MTUS1: variants seen among roughly 807,000 people sequenced by gnomAD.
The protein encoded by MTUS1 is microtubule associated scaffold protein 1, also known as microtubule-associated tumor suppressor 1.
In MTUS1, 109 loss-of-function variants were observed where a neutral mutation model predicts 120.8. The observed-to-expected ratio is 0.90, with a 90% CI of 0.77 to 1.06. MTUS1 has a LOEUF of 1.06. MTUS1 is among the 50% of genes least tolerant of loss of function. The pLI, the probability that MTUS1 is intolerant of heterozygous loss-of-function variation, is 0.00. For synonymous variants in MTUS1, 737 were observed against 550.5 expected (o/e 1.34, Z -4.74); for missense variants, 2,210 against 1,486.3 (o/e 1.49, Z -8.01).
At chr8:17,795,145 A>T (rs1183468462) in intron 1 of MTUS1, among the ~76,000 whole-genome samples, 2 of 152,224 alleles carry the variant, frequency 1.3e-5, no homozygotes, top group Non-Finnish European at 2.9e-5. Flanking sequence ...ATGTACAAAA[A>T]GCATAAAAGA....
chr8:17,777,863 CAAG>C (rs143257775), intron 1 of MTUS1, among the ~76,000 whole-genome samples: 4,804 of 152,146 alleles, frequency 0.032, 260 homozygotes, highest in African/African-American at 0.11. Context: ...AAAATGTTGA[CAAG>C]AAGGAATTAG....
At chr8:17,681,246 C>T (rs1814420568) in intron 7 of MTUS1, among the ~76,000 whole-genome samples, 1 of 152,030 alleles carries the variant, frequency 6.6e-6, no homozygotes, top group African/African-American at 2.4e-5. Context: ...CATTTTTCTT[C>T]CTTCAGTTGT....
Position 17,753,784 on chromosome 8 carries a change from G to C in MTUS1, c.2024C>G (p.Ser675Cys). The C allele has an allele frequency of 1.2e-6, 2 of 1,613,282 alleles. No individual in the cohort carries two copies. ...EKKGEKENGT[S>C]MEKQELKQEI... ...TTGTTTCAGCTCTTGTTTTTCCATA[G>C]ATGTCCCATTTTCTTTTTCACCCTT... Residue 675 changes from serine to cysteine, a missense_variant, in exon 2 of 15, where the codon TCT becomes TGT. By Grantham distance (112) the Ser-to-Cys change is moderately radical (BLOSUM62 -1). Transcript: ENST00000693296.
chr8:17,682,811 G>C (rs1477705768), intron 7 of MTUS1, among the ~76,000 whole-genome samples: 1 of 152,042 alleles, frequency 6.6e-6, no homozygotes, highest in Non-Finnish European at 1.5e-5. Context: ...AGCTTACTTG[G>C]TTATATAAAC....
At chr8:17,725,440 G>T (rs774550888) in intron 3 of MTUS1, among the ~76,000 whole-genome samples, 2 of 152,156 alleles carry the variant, frequency 1.3e-5, no homozygotes, top group African/African-American at 4.8e-5. Context: ...GCTCTGCTCC[G>T]ATTAACCTCG....
chr8:17,750,847 TGAG>T (rs2048135951), intron 2 of MTUS1, among the ~76,000 whole-genome samples: 1 of 152,200 alleles, frequency 6.6e-6, no homozygotes. Flanking sequence ...ACCTCTGTTG[TGAG>T]GAGCTACATC....
intron 6 of MTUS1, chr8:17,697,719 G>C: frequency 2.0e-6 from 2 of 1,000,058 alleles, no homozygotes; most frequent in Non-Finnish European, 2.4e-6. Context: ...GTAAAGGGGA[G>C]GAGAAAGTGG....
At position 17,776,922 on chromosome 8, in the gene MTUS1, C is replaced by A. The variant is rs190594733; in HGVS notation, c.-154-20961G>T. Among the ~76,000 whole-genome samples the A allele has an allele frequency of 3.4e-3, 521 of 152,134 alleles. 3 individuals are homozygous for A. The highest frequency in any genetic ancestry group is 0.012 in the African/African-American group (494 of 41,486). On this transcript the variant is annotated intron_variant, in intron 1 of 14. Coordinates refer to ENST00000693296, the MANE Select transcript of MTUS1 (RefSeq NM_001363059.2). The stretch of plus-strand genomic sequence containing the variant: ...TAAGACCTAATTGTAATTGCGCTTT[C>A]GGAGAGCAATTTCAACAGCTGTAAG...
At chr8:17,674,538 C>G in intron 8 of MTUS1, 7 of 985,752 alleles carry the variant, frequency 7.1e-6, no homozygotes, top group Non-Finnish European at 8.4e-6. Context: ...AACAGCGTAG[C>G]CTGGAAACTG....
intron 1 of MTUS1, among the ~76,000 whole-genome samples, chr8:17,760,524 G>C (rs1317253697): frequency 6.6e-6 from 1 of 152,062 alleles, no homozygotes; most frequent in Non-Finnish European, 1.5e-5. Context: ...ACAGAAAAGG[G>C]GTGACCGGCC....
At chr8:17,657,548 A>G (rs775310003) in intron 8 of MTUS1, among the ~76,000 whole-genome samples, 18 of 150,956 alleles carry the variant, frequency 1.2e-4, no homozygotes, top group Non-Finnish European at 1.9e-4. Flanking sequence ...AGCCTGGGCG[A>G]CAGAGAGAGA....
In MTUS1 at chr8:17,729,369, C is replaced by G. The variant is rs189714860; in HGVS notation, c.2288-5536G>C. On this transcript the variant is annotated intron_variant, in intron 3 of 14. Transcript: ENST00000693296. The stretch of plus-strand genomic sequence containing the variant: ...ATATACATGTTTAAGAACTTAGCTT[C>G]AATGGTAGAGTATCACTGTATAAAT... Among the ~76,000 whole-genome samples, 377 of 152,250 alleles carry G rather than the reference C, an allele frequency of 2.5e-3. 1 individual carries two copies. The highest frequency in any genetic ancestry group is 8.6e-3 in the African/African-American group (358 of 41,546).
chr8:17,668,828 G>A (rs374435441), intron 8 of MTUS1, among the ~76,000 whole-genome samples: 14 of 151,894 alleles, frequency 9.2e-5, no homozygotes, highest in African/African-American at 2.2e-4. Flanking sequence ...CCCTCCTCCC[G>A]CCCTCCACCC....
At chr8:17,729,944 C>T (rs2046449087) in intron 3 of MTUS1, among the ~76,000 whole-genome samples, 1 of 147,860 alleles carries the variant, frequency 6.8e-6, no homozygotes, top group Non-Finnish European at 1.5e-5. Context: ...AAATCACAAT[C>T]GCGCGAGATA....
chr8:17,675,169 C>T lies in MTUS1; in HGVS notation c.2905+17G>A, dbSNP rs1812827229. 1.2e-6 allele frequency: 2 copies of T among 1,613,758 alleles called. No individual in the cohort carries two copies. Among genetic ancestry groups the T allele is most frequent in the Admixed American group, 1.7e-5 (1 of 59,972 alleles). On this transcript the variant is annotated intron_variant, in intron 8 of 14. Transcript: ENST00000693296. The stretch of plus-strand genomic sequence containing the variant: ...CTTGTCCCATAAAATTTAACAACAA[C>T]AACAAAAAGCTCTTACCTAGCTCTC...
At chr8:17,779,714 C>A (rs2050722121) in intron 1 of MTUS1, among the ~76,000 whole-genome samples, 1 of 152,220 alleles carries the variant, frequency 6.6e-6, no homozygotes, top group Non-Finnish European at 1.5e-5. Context: ...TGGTTTTCCT[C>A]CTAAACTCAC....
intron 8 of MTUS1, among the ~76,000 whole-genome samples, chr8:17,659,641 T>C (rs1809237687): frequency 6.6e-6 from 1 of 152,096 alleles, no homozygotes; most frequent in Admixed American, 6.5e-5. Flanking sequence ...GAGGTTACAG[T>C]GAGCCAAGAT....
chr8:17,674,546 C>A (rs1051393365), intron 8 of MTUS1: 18 of 985,766 alleles, frequency 1.8e-5, no homozygotes, highest in Non-Finnish European at 2.0e-5. Context: ...AGCCTGGAAA[C>A]TGGAGGGCTG....
intron 8 of MTUS1, among the ~76,000 whole-genome samples, chr8:17,663,762 AT>A (rs1810300333): frequency 6.6e-6 from 1 of 151,938 alleles, no homozygotes; most frequent in Admixed American, 6.6e-5. Flanking sequence ...TACCCGGCTA[AT>A]TTTTGTATTT....
Sources: allele counts gnomAD v4.1 joint callset (sites outside exome capture counted in the v4.1 genomes callset), GRCh38; gene constraint gnomAD v4.1.1; transcripts MANE v1.5; gene names NCBI Gene and HGNC (gene_info 2026-07-23, HGNC 2026-07-21).